Variants in PLPP3 observed in about 807,000 individuals in gnomAD.
PLPP3 encodes the protein phospholipid phosphatase 3.
Under a neutral mutation model 29.6 loss-of-function variants are expected in PLPP3, and 6 were observed. The ratio of observed to expected loss-of-function variants is 0.20; its 90% confidence interval spans 0.11 to 0.40. The LOEUF is 0.40. Ranked by LOEUF, PLPP3 falls within the 10% of genes least tolerant of loss-of-function variation. PLPP3 has a pLI of 1.00. For synonymous variants in PLPP3, 152 were observed against 159.7 expected (o/e 0.95, Z 0.36); for missense variants, 308 against 407.7 (o/e 0.76, Z 2.11).
At chr1:56,498,336 A>C (rs930987867) in intron 5 of PLPP3, among the ~76,000 whole-genome samples, 3 of 152,142 alleles carry the variant, frequency 2.0e-5, no homozygotes, top group Non-Finnish European at 2.9e-5. Flanking sequence ...AATTCTTTGT[A>C]GTTGGTTTGG....
At chr1:56,565,674 G>A (rs1646156869) in intron 1 of PLPP3, among the ~76,000 whole-genome samples, 1 of 152,148 alleles carries the variant, frequency 6.6e-6, no homozygotes, top group African/African-American at 2.4e-5. Flanking sequence ...GCCCGCCTCA[G>A]CCTCCCAAAG....
chr1:56,511,766 A>G (rs1034115425), intron 5 of PLPP3, among the ~76,000 whole-genome samples: 1 of 151,946 alleles, frequency 6.6e-6, no homozygotes, highest in Non-Finnish European at 1.5e-5. Context: ...AGACCCTATC[A>G]GATCAAAACT....
Position 56,579,067 on chromosome 1 carries a change from G to C in PLPP3, c.-51C>G. ...CGCCCCGCGAAGACGTCCCGCAACA[G>C]CAGCCACACACCCAGGCGCCCGGGT... On this transcript the variant is annotated 5_prime_UTR_variant, in exon 1 of 6. Coordinates refer to ENST00000371250, the MANE Select transcript of PLPP3 (RefSeq NM_003713.5). The C allele has an allele frequency of 8.3e-6, 13 of 1,568,164 alleles. No individual in the cohort carries two copies. Among genetic ancestry groups the C allele is most frequent in the Non-Finnish European group, 1.1e-5 (13 of 1,163,676 alleles).
chr1:56,569,812 TACTC>T (rs1038209375), intron 1 of PLPP3, among the ~76,000 whole-genome samples: 4 of 152,132 alleles, frequency 2.6e-5, no homozygotes, highest in African/African-American at 9.7e-5. Flanking sequence ...AGCCTCCAGC[TACTC>T]ACTCTTCCCA....
At chr1:56,505,966 C>T (rs2100225875) in intron 5 of PLPP3, among the ~76,000 whole-genome samples, 1 of 152,304 alleles carries the variant, frequency 6.6e-6, no homozygotes, top group East Asian at 1.9e-4. Flanking sequence ...CTTCTCTCTC[C>T]CACATCCATG....
At chr1:56,511,433 A>C (rs758160802) in intron 5 of PLPP3, among the ~76,000 whole-genome samples, 3 of 152,144 alleles carry the variant, frequency 2.0e-5, no homozygotes, top group African/African-American at 7.2e-5. Context: ...CTCTTCTCCA[A>C]TGAACACTGA....
At chr1:56,508,264 G>C (rs564057034) in intron 5 of PLPP3, among the ~76,000 whole-genome samples, 1 of 152,324 alleles carries the variant, frequency 6.6e-6, no homozygotes, top group South Asian at 2.1e-4. Context: ...TGAAGGGGTG[G>C]AGAGATGAGA....
chr1:56,534,451 C>G (rs1645910665), intron 2 of PLPP3, among the ~76,000 whole-genome samples: 2 of 152,094 alleles, frequency 1.3e-5, no homozygotes, highest in South Asian at 4.1e-4. Context: ...TGAATGGGAG[C>G]AGGGGCATCC....
At chr1:56,568,623 T>C (rs374749684) in intron 1 of PLPP3, among the ~76,000 whole-genome samples, 4 of 152,272 alleles carry the variant, frequency 2.6e-5, no homozygotes, top group African/African-American at 9.6e-5. Context: ...ACCTGTCATA[T>C]CTTTCTTTTT....
chr1:56,553,462 C>T (rs1646053746), intron 1 of PLPP3, among the ~76,000 whole-genome samples: 1 of 152,178 alleles, frequency 6.6e-6, no homozygotes, highest in Non-Finnish European at 1.5e-5. Flanking sequence ...GGAGACACAT[C>T]CCATCCACCC....
chr1:56,499,079 C>G (rs1426393072), intron 5 of PLPP3, among the ~76,000 whole-genome samples: 18 of 148,604 alleles, frequency 1.2e-4, no homozygotes, highest in African/African-American at 3.9e-4. Context: ...CCCGTCCCCC[C>G]CCCCCACCTT....
Position 56,505,277 on chromosome 1 carries a change from C to T in PLPP3, c.810+6699G>A, listed in dbSNP as rs1569863647. 2.6e-5 allele frequency among the ~76,000 whole-genome samples: 4 copies of T among 152,336 alleles called. 1 individual carries two copies. The highest frequency in any genetic ancestry group is 2.6e-4 in the Admixed American group (4 of 15,300). ...ATCCAAAAATCATGTTAGGCATTAT[C>T]ATCCCAACCTCATGGGATTGGAAAA... On this transcript the variant is annotated intron_variant, in intron 5 of 5. Transcript: ENST00000371250.
At chr1:56,558,535 C>A (rs1223190134) in intron 1 of PLPP3, among the ~76,000 whole-genome samples, 2 of 152,188 alleles carry the variant, frequency 1.3e-5, no homozygotes, top group African/African-American at 4.8e-5. Context: ...CCAAAGCTTG[C>A]CAATTATTTA....
intron 4 of PLPP3, among the ~76,000 whole-genome samples, chr1:56,521,228 C>T (rs1355540742): frequency 9.7e-5 from 11 of 112,990 alleles, no homozygotes; most frequent in African/African-American, 3.7e-4. Flanking sequence ...GAATGAGACT[C>T]TGTCTCAAAA....
intron 4 of PLPP3, among the ~76,000 whole-genome samples, chr1:56,514,159 A>G (rs546214358): frequency 5.3e-5 from 8 of 152,286 alleles, no homozygotes; most frequent in African/African-American, 1.9e-4. Context: ...TAGAGCAGAC[A>G]GTTGAGGGAT....
intron 4 of PLPP3, among the ~76,000 whole-genome samples, chr1:56,515,904 T>A (rs141464631): frequency 1.3e-5 from 2 of 152,268 alleles, no homozygotes; most frequent in East Asian, 3.9e-4. Context: ...TACTATCTCC[T>A]TCTCTGGGTT....
At chr1:56,506,844 C>A (rs959726052) in intron 5 of PLPP3, among the ~76,000 whole-genome samples, 2 of 152,018 alleles carry the variant, frequency 1.3e-5, no homozygotes, top group African/African-American at 4.8e-5. Context: ...GTCTGTGGTT[C>A]TGAGTACGAT....
At chr1:56,552,591 C>G (rs916450927) in intron 1 of PLPP3, among the ~76,000 whole-genome samples, 5 of 152,112 alleles carry the variant, frequency 3.3e-5, no homozygotes, top group African/African-American at 1.2e-4. Flanking sequence ...CCTCAGAGAG[C>G]TCCTGGTTCT....
chr1:56,524,187 A>G lies in PLPP3; in HGVS notation c.575+90T>C. ...AATAGGAACTATGCCTTATTCACCC[A>G]TCTAAACCAGGGCCCAGCTAGTAAG... On this transcript the variant is annotated intron_variant, in intron 3 of 5. Coordinates refer to ENST00000371250, the MANE Select transcript of PLPP3 (RefSeq NM_003713.5). The surrounding 1 kb of genome is among the most constrained non-coding windows in gnomAD (Gnocchi z 4.3). 2 of 1,493,338 alleles carry G rather than the reference A, an allele frequency of 1.3e-6. No individual in the cohort carries two copies. Among genetic ancestry groups the G allele is most frequent in the Non-Finnish European group, 1.8e-6 (2 of 1,093,092 alleles). 92.5% of individuals were successfully genotyped at this position (1,493,338 alleles called of 1,614,324 possible).
Sources: gnomAD v4.1 joint callset for allele counts (sites outside exome capture counted in the v4.1 genomes callset) on GRCh38, gnomAD v4.1.1 for gene constraint, Gnocchi (gnomAD v3.1) non-coding constraint, MANE v1.5 for transcripts, NCBI Gene and HGNC (gene_info 2026-07-23, HGNC 2026-07-21) for gene names.